Variants in ZFPM1 observed in about 807,000 individuals in gnomAD.
ZFPM1 encodes the protein zinc finger protein, FOG family member 1, also known as zinc finger protein ZFPM1.
A neutral mutation model predicts 46.3 loss-of-function variants in ZFPM1; 28 were observed. That is an observed-to-expected ratio of 0.60 (90% confidence interval 0.45 to 0.83). ZFPM1 has a LOEUF of 0.83. ZFPM1 is among the 40% of genes least tolerant of loss of function. The pLI is 0.00. For missense variants in ZFPM1, 1,878 were observed against 1,432.4 expected (o/e 1.31, Z -5.02); for synonymous variants, 957 against 675.9 (o/e 1.42, Z -6.45).
chr16:88,493,327 T>TTGTCCCGGGGTGGGGAGACC (rs1567537590), intron 3 of ZFPM1, among the ~76,000 whole-genome samples: 7 of 69,020 alleles, frequency 1.0e-4, no homozygotes, highest in East Asian at 5.2e-4. Flanking sequence ...GTGTGGGAAA[T>TTGTCCCGGGGTGGGGAGACC]TGTCCCGGGG....
rs1907369906 is a variant in ZFPM1, at chr16:88,453,336, GT to G, written c.-301del. 6.8e-6 allele frequency: 1 copy of G among 146,728 alleles called. No individual in the cohort carries two copies. Among genetic ancestry groups the G allele is most frequent in the Non-Finnish European group, 1.5e-5 (1 of 65,924 alleles). 9.1% of individuals were successfully genotyped at this position (146,728 alleles called of 1,614,324 possible). A position where few individuals can be genotyped will look rare whatever the true frequency, so the allele number is the denominator to read the frequency against. On this transcript the variant is annotated 5_prime_UTR_variant, in exon 1 of 10. Coordinates refer to ENST00000319555, the MANE Select transcript of ZFPM1 (RefSeq NM_153813.3). Reference sequence around the variant, plus strand: ...CTGCTCCGCCGCTCGCCGCCCGCGGGTTCCATTGAGAAAAGCCGAGCGGCCG... The same window carrying G: ...CTGCTCCGCCGCTCGCCGCCCGCGGGTCCATTGAGAAAAGCCGAGCGGCCG...
chr16:88,498,137 C>T lies in ZFPM1; in HGVS notation c.268+8984C>T, dbSNP rs376299902. Among the ~76,000 whole-genome samples the T allele has an allele frequency of 2.4e-3, 361 of 152,264 alleles. 1 individual carries two copies. Among genetic ancestry groups the T allele is most frequent in the Middle Eastern group, 0.01 (3 of 292 alleles). ...TCAGCTCCAGAGACCAGACCCAGTGCTGGGTCAGGAGCCACCTCCTCTGGC... is the reference window on the plus strand; with the variant it reads ...TCAGCTCCAGAGACCAGACCCAGTGTTGGGTCAGGAGCCACCTCCTCTGGC... On this transcript the variant is annotated intron_variant, in intron 3 of 9. Transcript: ENST00000319555.
intron 1 of ZFPM1, among the ~76,000 whole-genome samples, chr16:88,479,394 G>A (rs941198463): frequency 1.3e-5 from 2 of 152,102 alleles, no homozygotes; most frequent in South Asian, 2.1e-4. Context: ...GCGCCGCTTG[G>A]CTGGAGGTCA....
At chr16:88,455,068 C>G (rs181140628) in intron 1 of ZFPM1, among the ~76,000 whole-genome samples, 20 of 152,248 alleles carry the variant, frequency 1.3e-4, no homozygotes, top group African/African-American at 4.1e-4. Context: ...CCACAGGTCC[C>G]GATCCGCGCT....
intron 4 of ZFPM1, among the ~76,000 whole-genome samples, chr16:88,515,854 A>T (rs1911264938): frequency 1.3e-5 from 2 of 152,088 alleles, no homozygotes; most frequent in Non-Finnish European, 2.9e-5. Context: ...GCGGCAGTTG[A>T]TCCTTCTGGG....
chr16:88,527,969 G>C (rs1030291014), intron 5 of ZFPM1, 63 bp from the exon 6 acceptor site: 3 of 1,454,908 alleles, frequency 2.1e-6, no homozygotes, highest in Non-Finnish European at 2.8e-6. Flanking sequence ...TCTGCCCCTT[G>C]TTTAAGACGG....
At chr16:88,470,461 C>T (rs1193322472) in intron 1 of ZFPM1, among the ~76,000 whole-genome samples, 1 of 152,178 alleles carries the variant, frequency 6.6e-6, no homozygotes, top group African/African-American at 2.4e-5. Flanking sequence ...ACTGGGGAGG[C>T]TGTTGTTGGG....
intron 1 of ZFPM1, among the ~76,000 whole-genome samples, chr16:88,474,701 C>G (rs1908593867): frequency 6.6e-6 from 1 of 152,226 alleles, no homozygotes; most frequent in Non-Finnish European, 1.5e-5. Flanking sequence ...CGCCAGCCCG[C>G]TCTTCTCCAT....
At chr16:88,479,131 A>T (rs73257676) in intron 1 of ZFPM1, among the ~76,000 whole-genome samples, 3,244 of 152,200 alleles carry the variant, frequency 0.021, 102 homozygotes, top group African/African-American at 0.073. Flanking sequence ...ATTGCGCGTG[A>T]GGTACTGGCC....
chr16:88,508,322 T>A (rs1339352620), intron 3 of ZFPM1, among the ~76,000 whole-genome samples: 1 of 152,134 alleles, frequency 6.6e-6, no homozygotes, highest in African/African-American at 2.4e-5. Context: ...AAAGAAGTTG[T>A]TGGACCCCCA....
At chr16:88,527,934 G>C in intron 5 of ZFPM1, 98 bp from the exon 6 acceptor site, 1 of 1,250,928 alleles carries the variant, frequency 8.0e-7, no homozygotes, top group Non-Finnish European at 1.1e-6. Context: ...TGTGAACCCG[G>C]GTGGCCGCTC....
intron 3 of ZFPM1, among the ~76,000 whole-genome samples, chr16:88,507,162 G>A (rs1406574520): frequency 5.3e-5 from 8 of 152,156 alleles, no homozygotes; most frequent in Non-Finnish European, 1.2e-4. Flanking sequence ...GCGATCAGAG[G>A]ACCTGGGCTC....
chr16:88,486,100 C>A, intron 2 of ZFPM1, 57 bp downstream of exon 2: 1 of 1,516,208 alleles, frequency 6.6e-7, no homozygotes, highest in Non-Finnish European at 9.0e-7. Flanking sequence ...ATTGCTTACC[C>A]GTACCATGCC....
Position 88,469,159 on chromosome 16 carries a change from A to G in ZFPM1, c.40+15481A>G, listed in dbSNP as rs1908299985. ...ACCCCCATGTCTGGGCCCACTCCAG[A>G]CCCTCCTGCAGGCTGCCCCCCACCG... On this transcript the variant is annotated intron_variant, in intron 1 of 9. Transcript: ENST00000319555. The surrounding 1 kb of genome is among the most constrained non-coding windows in gnomAD (Gnocchi z 4.3). 1 of 151,536 alleles carries G rather than the reference A, an allele frequency of 6.6e-6. No homozygotes were observed. Among genetic ancestry groups the G allele is most frequent in the Non-Finnish European group, 1.5e-5 (1 of 67,600 alleles). 9.4% of individuals were successfully genotyped at this position (151,536 alleles called of 1,614,324 possible).
intron 3 of ZFPM1, among the ~76,000 whole-genome samples, chr16:88,492,933 C>T (rs746922032): frequency 1.3e-5 from 2 of 152,180 alleles, no homozygotes; most frequent in Non-Finnish European, 2.9e-5. Flanking sequence ...AGAGCTGTCC[C>T]GGGGAGCAGA....
chr16:88,520,809 GTGGA>G (rs746320971), intron 4 of ZFPM1, among the ~76,000 whole-genome samples: 1,616 of 84,376 alleles, frequency 0.019, 104 homozygotes, highest in Middle Eastern at 0.035. Flanking sequence ...GGATGGGTGG[GTGGA>G]TGGATGGATG....
chr16:88,494,358 G>C lies in ZFPM1; in HGVS notation c.268+5205G>C, dbSNP rs114267949. On this transcript the variant is annotated intron_variant, in intron 3 of 9. Coordinates refer to ENST00000319555, the MANE Select transcript of ZFPM1 (RefSeq NM_153813.3). ...CCCCCCAAACCCCGTTACCCTCTCA[G>C]CACCAGGGAGGCTTCCAGGTGGAAG... 4.3e-3 allele frequency among the ~76,000 whole-genome samples: 658 copies of C among 152,222 alleles called. 9 individuals are homozygous for C. The highest frequency in any genetic ancestry group is 0.015 in the African/African-American group (629 of 41,528).
In ZFPM1 at chr16:88,535,023, A is replaced by G. The variant is rs1461107298; in HGVS notation, c.*44A>G. ...CAGACGCTTTGCACGCCCCGCTGCG[A>G]TGCGGGGAGGGGGCCGCCCCCAGGC... On this transcript the variant is annotated 3_prime_UTR_variant, in exon 10 of 10. Transcript: ENST00000319555. 1 of 1,355,588 alleles carries G rather than the reference A, an allele frequency of 7.4e-7. No individual in the cohort carries two copies. Among genetic ancestry groups the G allele is most frequent in the Non-Finnish European group, 9.6e-7 (1 of 1,045,394 alleles). 84.0% of individuals were successfully genotyped at this position (1,355,588 alleles called of 1,614,324 possible). A position where few individuals can be genotyped will look rare whatever the true frequency, so the allele number is the denominator to read the frequency against.
At chr16:88,504,616 G>A (rs184611663) in intron 3 of ZFPM1, among the ~76,000 whole-genome samples, 22 of 152,148 alleles carry the variant, frequency 1.4e-4, no homozygotes, top group South Asian at 6.2e-4. Flanking sequence ...GCTGGGCCCC[G>A]TGCACAGACC....
Sources: gnomAD v4.1 joint callset for allele counts (sites outside exome capture counted in the v4.1 genomes callset) on GRCh38, gnomAD v4.1.1 for gene constraint, Gnocchi (gnomAD v3.1) non-coding constraint, MANE v1.5 for transcripts, NCBI Gene and HGNC (gene_info 2026-07-23, HGNC 2026-07-21) for gene names.